FSD1L: variants seen among roughly 807,000 people sequenced by gnomAD.
FSD1L encodes FSD1-like protein.
In FSD1L, 45 loss-of-function variants were observed where a neutral mutation model predicts 71.6. That is an observed-to-expected ratio of 0.63 (90% confidence interval 0.49 to 0.81). The LOEUF is 0.81. FSD1L is among the 30% of genes least tolerant of loss of function. FSD1L has a pLI of 0.00. For missense variants in FSD1L, 561 were observed against 618.1 expected, an observed-to-expected ratio of 0.91 and a Z score of 0.98; for synonymous variants, 197 against 207.2, an observed-to-expected ratio of 0.95 and a Z score of 0.42.
At chr9:105,493,773 T>A (rs938613179) in intron 7 of FSD1L, among the ~76,000 whole-genome samples, 16 of 152,274 alleles carry the variant, frequency 1.1e-4, no homozygotes, top group African/African-American at 3.8e-4. Context: ...TTAGTTTGGC[T>A]GGATATGAAA....
intron 7 of FSD1L, among the ~76,000 whole-genome samples, chr9:105,498,481 G>C (rs2131326529): frequency 6.6e-6 from 1 of 152,100 alleles, no homozygotes; most frequent in South Asian, 2.1e-4. Flanking sequence ...ACTGTAAGCA[G>C]TTGTAACACA....
At chr9:105,471,242 C>G (rs1366976467) in intron 4 of FSD1L, among the ~76,000 whole-genome samples, 1 of 152,162 alleles carries the variant, frequency 6.6e-6, no homozygotes, top group African/African-American at 2.4e-5. Flanking sequence ...CCTAGCCATC[C>G]CTGGCATGAG....
chr9:105,510,762 T>C (rs1300391151), intron 9 of FSD1L, among the ~76,000 whole-genome samples: 1 of 152,178 alleles, frequency 6.6e-6, no homozygotes, highest in African/African-American at 2.4e-5. Flanking sequence ...GTAAATGATA[T>C]TAAATTACTA....
chr9:105,504,584 C>T (rs1435331792), intron 7 of FSD1L, among the ~76,000 whole-genome samples: 1 of 152,172 alleles, frequency 6.6e-6, no homozygotes, highest in Admixed American at 6.5e-5. Context: ...AGTCATCTCT[C>T]AGTATTTGTG....
intron 6 of FSD1L, among the ~76,000 whole-genome samples, chr9:105,483,596 G>A (rs1219972095): frequency 6.6e-6 from 1 of 152,142 alleles, no homozygotes; most frequent in Non-Finnish European, 1.5e-5. Context: ...AATAGAATAA[G>A]AGGATTTCTT....
chr9:105,516,020 C>G (rs569763703), intron 10 of FSD1L, among the ~76,000 whole-genome samples: 4 of 152,284 alleles, frequency 2.6e-5, no homozygotes, highest in African/African-American at 9.6e-5. Flanking sequence ...GGAGGGGCGT[C>G]TGCCATTGCT....
In FSD1L at chr9:105,522,487, A is replaced by G. The variant is rs1835234658; in HGVS notation, c.1025+9551A>G. On this transcript the variant is annotated intron_variant, in intron 10 of 13. Coordinates refer to ENST00000481272, the MANE Select transcript of FSD1L (RefSeq NM_001145313.3). The stretch of plus-strand genomic sequence containing the variant: ...ACCACTGGTTCTCCAGGAACCGAAA[A>G]GGCGAGGAGTATAGTACGGCAAAAA... 3.1e-6 allele frequency: 5 copies of G among 1,613,906 alleles called. No homozygotes were observed. The South Asian group carries it at 4.4e-5, about 14-fold the overall frequency.
chr9:105,447,248 C>T (rs1355660224), upstream of FSD1L, among the ~76,000 whole-genome samples: 5 of 134,070 alleles, frequency 3.7e-5, no homozygotes, highest in East Asian at 1.2e-3. Flanking sequence ...TCCTGGAACC[C>T]GGGAGGCAGA....
At chr9:105,539,925 GC>G (rs1363110303) in intron 13 of FSD1L, among the ~76,000 whole-genome samples, 2 of 151,944 alleles carry the variant, frequency 1.3e-5, no homozygotes, top group East Asian at 1.9e-4. Flanking sequence ...CCATTTGGGG[GC>G]TATACAAATA....
chr9:105,494,276 C>A (rs544139998), intron 7 of FSD1L, among the ~76,000 whole-genome samples: 387 of 152,258 alleles, frequency 2.5e-3, no homozygotes, highest in Non-Finnish European at 4.5e-3. Flanking sequence ...GATACCCTTT[C>A]TTCCAGTTGA....
intron 1 of FSD1L, among the ~76,000 whole-genome samples, chr9:105,452,620 C>T (rs1044725957): frequency 5.8e-5 from 8 of 138,264 alleles, no homozygotes; most frequent in Non-Finnish European, 1.1e-4. Flanking sequence ...CTCCTGTGGG[C>T]GCTCGCTCGC....
chr9:105,456,786 C>G (rs1830384886), intron 1 of FSD1L, among the ~76,000 whole-genome samples: 1 of 152,194 alleles, frequency 6.6e-6, no homozygotes, highest in South Asian at 2.1e-4. Flanking sequence ...TTACTATGAT[C>G]TAGCAGAATT....
intron 10 of FSD1L, chr9:105,526,032 T>C (rs1835485476): frequency 1.3e-6 from 2 of 1,505,318 alleles, no homozygotes; most frequent in African/African-American, 1.4e-5. Flanking sequence ...AATTTGGTGA[T>C]GTCCTTATTG....
chr9:105,502,858 TCGTCC>T (rs1833846142), intron 7 of FSD1L, among the ~76,000 whole-genome samples: 1 of 151,476 alleles, frequency 6.6e-6, no homozygotes, highest in Non-Finnish European at 1.5e-5. Context: ...TGGAGGAGTT[TCGTCC>T]AGAAGGAAAA....
At position 105,488,141 on chromosome 9, in the gene FSD1L, T is replaced by C. The variant is rs539746129; in HGVS notation, c.586+3639T>C. On this transcript the variant is annotated intron_variant, in intron 7 of 13. Transcript: ENST00000481272. Reference sequence around the variant, plus strand: ...TCTGCCATTGTATTACCATACGGAGTATTTTCACTGCCCGAAAAATCCGCT... The same window carrying C: ...TCTGCCATTGTATTACCATACGGAGCATTTTCACTGCCCGAAAAATCCGCT... Among the ~76,000 whole-genome samples, 5 of 152,246 alleles carry C rather than the reference T, an allele frequency of 3.3e-5. 1 individual carries two copies. The highest frequency in any genetic ancestry group is 9.6e-5 in the African/African-American group (4 of 41,552).
intron 9 of FSD1L, among the ~76,000 whole-genome samples, chr9:105,510,873 T>C (rs1000656841): frequency 5.9e-5 from 9 of 152,090 alleles, no homozygotes; most frequent in African/African-American, 1.9e-4. Context: ...ATGAAACATA[T>C]CTGTACTCTG....
chr9:105,499,535 A>G (rs1833639282), intron 7 of FSD1L, among the ~76,000 whole-genome samples: 1 of 151,940 alleles, frequency 6.6e-6, no homozygotes, highest in South Asian at 2.1e-4. Flanking sequence ...CAAGGTATAC[A>G]GAATTGCTCC....
intron 1 of FSD1L, among the ~76,000 whole-genome samples, chr9:105,453,529 GTC>G: frequency 6.6e-6 from 1 of 152,064 alleles, no homozygotes; most frequent in African/African-American, 2.4e-5. Flanking sequence ...GTGCATGTCT[GTC>G]TGCATGTATC....
intron 7 of FSD1L, among the ~76,000 whole-genome samples, chr9:105,494,267 A>T (rs576722298): frequency 3.3e-5 from 5 of 152,042 alleles, no homozygotes; most frequent in African/African-American, 9.6e-5. Context: ...TCCATTGCTG[A>T]TACCCTTTCT....
Sources: gnomAD v4.1 joint callset for allele counts (sites outside exome capture counted in the v4.1 genomes callset) on GRCh38, gnomAD v4.1.1 for gene constraint, MANE v1.5 for transcripts, NCBI Gene and HGNC (gene_info 2026-07-23, HGNC 2026-07-21) for gene names.